The following GRID2 variants were observed in gnomAD, a reference collection of about 807,000 sequenced individuals.
GRID2 encodes the protein glutamate ionotropic receptor delta type subunit 2.
GRID2 carries 33 observed loss-of-function variants against 114.8 expected under a neutral mutation model. The ratio of observed to expected loss-of-function variants is 0.29; its 90% CI spans 0.22 to 0.38. The LOEUF (loss-of-function observed/expected upper bound fraction) is 0.38. GRID2 is among the 10% of genes least tolerant of loss of function. The pLI is 1.00. For synonymous variants in GRID2, 505 were observed against 449.9 expected (o/e 1.12, Z -1.55); for missense variants, 1,184 against 1,257.7 (o/e 0.94, Z 0.89).
intron 11 of GRID2, among the ~76,000 whole-genome samples, chr4:93,473,654 C>G (rs910652134): frequency 6.6e-6 from 1 of 152,020 alleles, no homozygotes; most frequent in Non-Finnish European, 1.5e-5. Context: ...AAATTTAGCT[C>G]AAACCTTTAT....
intron 14 of GRID2, among the ~76,000 whole-genome samples, chr4:93,734,555 C>G (rs760785421): frequency 2.7e-4 from 41 of 152,068 alleles, no homozygotes; most frequent in Non-Finnish European, 5.5e-4. Context: ...AAATGAGTGT[C>G]TGTTAGCATA....
At chr4:93,637,921 A>G (rs1393380119) in intron 14 of GRID2, among the ~76,000 whole-genome samples, 1 of 152,048 alleles carries the variant, frequency 6.6e-6, no homozygotes, top group East Asian at 1.9e-4. Flanking sequence ...ATAATTGGTC[A>G]GACAGTCTAC....
chr4:93,467,328 C>T (rs746578240), intron 11 of GRID2, among the ~76,000 whole-genome samples: 2 of 151,986 alleles, frequency 1.3e-5, no homozygotes, highest in African/African-American at 2.4e-5. Flanking sequence ...GTTTTAATAC[C>T]GATTTTGCTG....
At chr4:93,793,560 T>A (rs1734738110) in intron 1 of GRID2, among the ~76,000 whole-genome samples, 1 of 152,212 alleles carries the variant, frequency 6.6e-6, no homozygotes, top group Non-Finnish European at 1.5e-5. Context: ...CATTGATGCT[T>A]GTCTGTAATT....
chr4:93,259,917 A>C (rs1314150703), intron 8 of GRID2, among the ~76,000 whole-genome samples: 1 of 151,714 alleles, frequency 6.6e-6, no homozygotes. Context: ...AGCACACTTA[A>C]ATGAGTAAGA....
chr4:93,421,258 T>C (rs887150689), intron 9 of GRID2, among the ~76,000 whole-genome samples: 4 of 152,150 alleles, frequency 2.6e-5, no homozygotes, highest in African/African-American at 7.2e-5. Flanking sequence ...ATTAGTCACA[T>C]GGCCATGAAG....
chr4:93,714,921 G>A (rs538362128), intron 14 of GRID2, among the ~76,000 whole-genome samples: 2 of 152,134 alleles, frequency 1.3e-5, no homozygotes, highest in Non-Finnish European at 2.9e-5. Context: ...CTGTGCAGAA[G>A]CCCTTCAGTT....
intron 2 of GRID2, among the ~76,000 whole-genome samples, chr4:92,759,889 G>A (rs1213599530): frequency 1.3e-5 from 2 of 150,888 alleles, no homozygotes; most frequent in Non-Finnish European, 2.9e-5. Context: ...GCCTCCCAAA[G>A]TGCTGGGACT....
chr4:92,481,749 G>A (rs1217550859), intron 1 of GRID2, among the ~76,000 whole-genome samples: 1 of 151,510 alleles, frequency 6.6e-6, no homozygotes, highest in Non-Finnish European at 1.5e-5. Flanking sequence ...GAATGATGTT[G>A]GTAGTTTCAT....
chr4:92,765,309 A>G (rs1392046421), intron 2 of GRID2, among the ~76,000 whole-genome samples: 4 of 152,240 alleles, frequency 2.6e-5, no homozygotes, highest in East Asian at 3.9e-4. Flanking sequence ...GGTCAGAAAC[A>G]TAAAAGCAAA....
At chr4:93,629,768 T>C (rs944898437) in intron 14 of GRID2, among the ~76,000 whole-genome samples, 1 of 152,178 alleles carries the variant, frequency 6.6e-6, no homozygotes, top group South Asian at 2.1e-4. Context: ...TAATATGTAA[T>C]AAATATTAGT....
chr4:93,402,503 A>G (rs867155191), intron 9 of GRID2, among the ~76,000 whole-genome samples: 2 of 152,170 alleles, frequency 1.3e-5, no homozygotes, highest in Admixed American at 1.3e-4. Flanking sequence ...ATAAAAGTCT[A>G]ATTATTCATT....
chr4:93,761,445 C>G (rs1368818781), intron 14 of GRID2, among the ~76,000 whole-genome samples: 2 of 152,118 alleles, frequency 1.3e-5, no homozygotes, highest in African/African-American at 4.8e-5. Flanking sequence ...ATAAAGCCCA[C>G]TTGTTTACTT....
At chr4:92,761,397 T>C (rs1320049868) in intron 2 of GRID2, among the ~76,000 whole-genome samples, 1 of 152,190 alleles carries the variant, frequency 6.6e-6, no homozygotes, top group Non-Finnish European at 1.5e-5. Flanking sequence ...TGTGCTCTGG[T>C]TTCTTTACAG....
intron 1 of GRID2, among the ~76,000 whole-genome samples, chr4:92,554,873 G>A (rs967246869): frequency 2.0e-5 from 3 of 152,026 alleles, no homozygotes; most frequent in African/African-American, 7.2e-5. Context: ...TTACTGGTTG[G>A]CCCTCAATTT....
intron 2 of GRID2, among the ~76,000 whole-genome samples, chr4:92,750,250 T>C (rs767899915): frequency 6.6e-6 from 1 of 152,184 alleles, no homozygotes; most frequent in Non-Finnish European, 1.5e-5. Flanking sequence ...GCTTATCCGC[T>C]GAACCCAGTA....
chr4:93,159,430 A>G (rs903028734), intron 4 of GRID2, among the ~76,000 whole-genome samples: 1 of 151,814 alleles, frequency 6.6e-6, no homozygotes, highest in African/African-American at 2.4e-5. Context: ...CTTATATTGC[A>G]GATAGGATGC....
At chr4:92,475,466 A>C (rs1011229058) in intron 1 of GRID2, among the ~76,000 whole-genome samples, 1 of 151,740 alleles carries the variant, frequency 6.6e-6, no homozygotes, top group Non-Finnish European at 1.5e-5. Context: ...TCTTGGTCAA[A>C]AATCAAATGG....
intron 2 of GRID2, among the ~76,000 whole-genome samples, chr4:92,923,928 T>A (rs997655150): frequency 1.3e-5 from 2 of 152,186 alleles, no homozygotes; most frequent in Non-Finnish European, 2.9e-5. Context: ...TAAATCATGC[T>A]GCTATAAAGA....
Sources: allele counts gnomAD v4.1 joint callset (sites outside exome capture counted in the v4.1 genomes callset), GRCh38; gene constraint gnomAD v4.1.1; transcripts MANE v1.5; gene names NCBI Gene and HGNC (gene_info 2026-07-23, HGNC 2026-07-21).